The following PLGRKT variants were observed in gnomAD, a reference collection of about 807,000 sequenced individuals.
The protein encoded by PLGRKT is plasminogen receptor (KT).
PLGRKT carries 22 observed loss-of-function variants against 18.5 expected under a neutral mutation model. The ratio of observed to expected loss-of-function variants is 1.19; its 90% CI spans 0.85 to 1.70. PLGRKT has a LOEUF of 1.70. PLGRKT is among the 40% of genes most tolerant of loss of function. The pLI is 0.00. For missense variants in PLGRKT, 235 were observed against 174.4 expected (o/e 1.35, Z -1.96); for synonymous variants, 72 against 52.8 (o/e 1.36, Z -1.58).
At chr9:5,427,478 G>T (rs531217764) in intron 3 of PLGRKT, among the ~76,000 whole-genome samples, 24 of 152,100 alleles carry the variant, frequency 1.6e-4, no homozygotes, top group African/African-American at 5.8e-4. Context: ...AAGAAGGAGA[G>T]AACATACACA....
intron 3 of PLGRKT, among the ~76,000 whole-genome samples, chr9:5,390,235 G>A (rs71490253): frequency 2.5e-5 from 2 of 79,442 alleles, no homozygotes; most frequent in African/African-American, 8.7e-5. Context: ...GTGTGTGTGT[G>A]TATGTGTATA....
intron 3 of PLGRKT, among the ~76,000 whole-genome samples, chr9:5,424,031 T>A (rs888940523): frequency 6.9e-6 from 1 of 145,610 alleles, no homozygotes; most frequent in African/African-American, 2.5e-5. Context: ...ATGACATATA[T>A]TGTATATACC....
chr9:5,360,196 G>A (rs1431379058), intron 5 of PLGRKT, among the ~76,000 whole-genome samples: 1 of 152,188 alleles, frequency 6.6e-6, no homozygotes, highest in South Asian at 2.1e-4. Context: ...AATATTAGAA[G>A]AATATTTCAC....
chr9:5,424,520 A>T (rs1242121190), intron 3 of PLGRKT, among the ~76,000 whole-genome samples: 2 of 110,848 alleles, frequency 1.8e-5, no homozygotes, highest in African/African-American at 8.1e-5. Flanking sequence ...ATAACATATA[A>T]ATATATATTA....
chr9:5,413,107 G>A (rs1180645110), intron 3 of PLGRKT, among the ~76,000 whole-genome samples: 1 of 152,140 alleles, frequency 6.6e-6, no homozygotes, highest in African/African-American at 2.4e-5. Flanking sequence ...TGAGACTTTG[G>A]GAAAATAGCC....
intron 3 of PLGRKT, among the ~76,000 whole-genome samples, chr9:5,417,666 T>TC (rs1430159140): frequency 2.0e-5 from 3 of 151,866 alleles, no homozygotes; most frequent in Non-Finnish European, 4.4e-5. Context: ...CTTTTTTTTT[T>TC]TCTCATGATG....
chr9:5,403,593 A>G (rs1396147560), intron 3 of PLGRKT, among the ~76,000 whole-genome samples: 2 of 152,260 alleles, frequency 1.3e-5, no homozygotes, highest in East Asian at 3.8e-4. Context: ...AAAGGCAACG[A>G]TAAGATTGTT....
In PLGRKT at chr9:5,361,748, G is replaced by A. The variant is rs771518731; in HGVS notation, c.212+10C>T. On this transcript the variant is annotated intron_variant, in intron 4 of 5. Coordinates refer to ENST00000223864, the MANE Select transcript of PLGRKT (RefSeq NM_018465.4). ...AAATGACTGAAGAAAATGTTAAATA[G>A]CAAACATACCCAGCTGTTAAAGAGA... is the stretch of plus-strand genomic sequence containing the variant. The A allele has an allele frequency of 7.5e-6, 12 of 1,591,492 alleles. No individual in the cohort carries two copies. The South Asian group carries it at 1.3e-4, about 17-fold the overall frequency.
At chr9:5,367,248 T>C (rs1817413840) in intron 3 of PLGRKT, among the ~76,000 whole-genome samples, 1 of 152,024 alleles carries the variant, frequency 6.6e-6, no homozygotes, top group African/African-American at 2.4e-5. Context: ...AAAACTTTTC[T>C]AAAATTCATA....
rs1817257348 is a variant in PLGRKT, at chr9:5,361,206, G to T, written c.213-19C>A. Reference sequence around the variant, plus strand: ...AATCGCTCTGTTTCAAGAATTAAAAGAAGAACCAATATCAAAAAATAACCT... The same window carrying T: ...AATCGCTCTGTTTCAAGAATTAAAATAAGAACCAATATCAAAAAATAACCT... On this transcript the variant is annotated intron_variant, in intron 4 of 5. Coordinates refer to ENST00000223864, the MANE Select transcript of PLGRKT (RefSeq NM_018465.4). 7.0e-7 allele frequency: 1 copy of T among 1,434,944 alleles called. No homozygotes were observed. Among genetic ancestry groups the T allele is most frequent in the Admixed American group, 1.8e-5 (1 of 54,074 alleles). 88.9% of individuals were successfully genotyped at this position (1,434,944 alleles called of 1,614,324 possible).
intron 3 of PLGRKT, among the ~76,000 whole-genome samples, chr9:5,370,449 T>C (rs1817491988): frequency 6.6e-6 from 1 of 152,236 alleles, no homozygotes; most frequent in South Asian, 2.1e-4. Flanking sequence ...TTTAATTTCA[T>C]ATTTACTGGA....
chr9:5,422,292 G>A (rs1818593376), intron 3 of PLGRKT, among the ~76,000 whole-genome samples: 1 of 152,174 alleles, frequency 6.6e-6, no homozygotes, highest in Non-Finnish European at 1.5e-5. Context: ...GCCTTGTGAT[G>A]TGATGTATTA....
At chr9:5,428,876 T>C (rs1453800997) in intron 3 of PLGRKT, among the ~76,000 whole-genome samples, 1 of 152,162 alleles carries the variant, frequency 6.6e-6, no homozygotes, top group East Asian at 1.9e-4. Flanking sequence ...TTTTTTAAAT[T>C]TTTTAAATGG....
At chr9:5,371,331 C>T (rs1817510952) in intron 3 of PLGRKT, among the ~76,000 whole-genome samples, 1 of 152,166 alleles carries the variant, frequency 6.6e-6, no homozygotes, top group Non-Finnish European at 1.5e-5. Flanking sequence ...TGTCCCCACC[C>T]AAACCTCAAC....
chr9:5,366,000 C>T (rs767301448), intron 3 of PLGRKT, among the ~76,000 whole-genome samples: 5 of 152,112 alleles, frequency 3.3e-5, no homozygotes, highest in African/African-American at 1.2e-4. Flanking sequence ...TGCAGACTCT[C>T]TCCATGAGCA....
intron 2 of PLGRKT, among the ~76,000 whole-genome samples, chr9:5,435,787 G>A (rs1020877112): frequency 6.6e-6 from 1 of 152,230 alleles, no homozygotes; most frequent in East Asian, 1.9e-4. Context: ...TTAATAGGCT[G>A]TTGAGTAGGG....
At chr9:5,427,903 G>A (rs940213694) in intron 3 of PLGRKT, among the ~76,000 whole-genome samples, 2 of 152,300 alleles carry the variant, frequency 1.3e-5, no homozygotes, top group African/African-American at 2.4e-5. Context: ...ATGGGAAAGT[G>A]GAATAAGGGT....
intron 4 of PLGRKT, 67 bp from the exon 5 acceptor site, chr9:5,361,254 A>C (rs1817259072): frequency 2.4e-6 from 2 of 831,408 alleles, no homozygotes; most frequent in Non-Finnish European, 3.9e-6. Context: ...CTGTATACTT[A>C]AAGAAAAAAA....
chr9:5,434,174 G>A (rs1284235222), intron 2 of PLGRKT, among the ~76,000 whole-genome samples: 4 of 148,454 alleles, frequency 2.7e-5, no homozygotes, highest in African/African-American at 1.0e-4. Context: ...GAGCGCCTCT[G>A]CCCGGCCGCC....
Sources: gnomAD v4.1 joint callset for allele counts (sites outside exome capture counted in the v4.1 genomes callset) on GRCh38, gnomAD v4.1.1 for gene constraint, MANE v1.5 for transcripts, NCBI Gene and HGNC (gene_info 2026-07-23, HGNC 2026-07-21) for gene names.